The following MAPK10 variants were observed in gnomAD, a reference collection of about 807,000 sequenced individuals.
MAPK10 encodes mitogen-activated protein kinase 10.
Under a neutral mutation model 59.3 loss-of-function variants are expected in MAPK10, and 25 were observed. That is an observed-to-expected ratio of 0.42 (90% CI 0.31 to 0.59). The LOEUF is 0.59. Among genes scored for constraint, MAPK10 ranks in the 20% least tolerant of loss-of-function variants. MAPK10 has a pLI of 0.15. For synonymous variants in MAPK10, 190 were observed against 200.5 expected (o/e 0.95, Z 0.44); for missense variants, 351 against 568.9 (o/e 0.62, Z 3.90).
At chr4:86,090,742 T>C (rs1310881652) in intron 9 of MAPK10, 2 of 152,184 alleles carry the variant, frequency 1.3e-5, no homozygotes, top group Non-Finnish European at 2.9e-5. Flanking sequence ...TTATGGATTA[T>C]CTATATTTTA....
At chr4:86,049,608 C>A (rs78632613) in intron 11 of MAPK10, among the ~76,000 whole-genome samples, 5 of 151,944 alleles carry the variant, frequency 3.3e-5, no homozygotes, top group Non-Finnish European at 5.9e-5. Context: ...TTTAAGAAAA[C>A]CTTCTTTAAT....
At chr4:86,324,088 A>G (rs1233231998) in intron 2 of MAPK10, among the ~76,000 whole-genome samples, 1 of 152,180 alleles carries the variant, frequency 6.6e-6, no homozygotes, top group Non-Finnish European at 1.5e-5. Flanking sequence ...TCAGAGTTTA[A>G]GAGAAGGGCA....
intron 1 of MAPK10, among the ~76,000 whole-genome samples, chr4:86,568,614 A>G (rs1761227300): frequency 6.6e-6 from 1 of 152,168 alleles, no homozygotes; most frequent in Non-Finnish European, 1.5e-5. Flanking sequence ...TCAATGAGAC[A>G]GAATAGAGAA....
chr4:86,325,799 T>A (rs544445130), intron 2 of MAPK10: 2 of 152,306 alleles, frequency 1.3e-5, no homozygotes, highest in East Asian at 3.9e-4. Flanking sequence ...TAGTATCAAA[T>A]AGGATAAATT....
intron 1 of MAPK10, among the ~76,000 whole-genome samples, chr4:86,515,399 A>G (rs1756575168): frequency 6.6e-6 from 1 of 152,204 alleles, no homozygotes; most frequent in African/African-American, 2.4e-5. Flanking sequence ...TAGTTCCTTA[A>G]GTAATCTCCA....
At chr4:86,051,500 G>A (rs929429559) in intron 11 of MAPK10, among the ~76,000 whole-genome samples, 7 of 152,100 alleles carry the variant, frequency 4.6e-5, no homozygotes, top group African/African-American at 1.7e-4. Flanking sequence ...CAGACTTGTG[G>A]TCTATGTAGA....
intron 1 of MAPK10, among the ~76,000 whole-genome samples, chr4:86,403,410 G>A (rs1424333450): frequency 6.6e-6 from 1 of 152,128 alleles, no homozygotes; most frequent in Non-Finnish European, 1.5e-5. Context: ...CAGCTACTCA[G>A]GAGGCTGAGG....
intron 2 of MAPK10, among the ~76,000 whole-genome samples, chr4:86,337,415 C>T (rs550911358): frequency 6.6e-6 from 1 of 152,246 alleles, no homozygotes; most frequent in South Asian, 2.1e-4. Flanking sequence ...TACTCTATAT[C>T]CACATTTATG....
chr4:86,476,018 T>C (rs1753063052), intron 1 of MAPK10, among the ~76,000 whole-genome samples: 1 of 152,174 alleles, frequency 6.6e-6, no homozygotes, highest in Admixed American at 6.5e-5. Flanking sequence ...CTACAAGATC[T>C]AGATAATTCT....
At chr4:86,290,715 A>C (rs1413929258) in intron 2 of MAPK10, among the ~76,000 whole-genome samples, 1 of 152,154 alleles carries the variant, frequency 6.6e-6, no homozygotes, top group East Asian at 1.9e-4. Flanking sequence ...CTGGTTGAAA[A>C]CATGAATTGA....
intron 12 of MAPK10, among the ~76,000 whole-genome samples, chr4:86,030,521 C>T (rs1321815032): frequency 6.6e-6 from 1 of 151,898 alleles, no homozygotes; most frequent in Non-Finnish European, 1.5e-5. Flanking sequence ...CTAGCAGAGA[C>T]AGGGTCTCCC....
intron 1 of MAPK10, among the ~76,000 whole-genome samples, chr4:86,549,503 A>G (rs764925920): frequency 2.6e-5 from 4 of 152,190 alleles, no homozygotes; most frequent in Non-Finnish European, 2.9e-5. Flanking sequence ...GAAAGGGTAT[A>G]CCTATATTGG....
intron 2 of MAPK10, among the ~76,000 whole-genome samples, chr4:86,244,992 G>A (rs1038296592): frequency 2.6e-5 from 4 of 151,392 alleles, no homozygotes; most frequent in African/African-American, 9.8e-5. Flanking sequence ...TCCAATATGT[G>A]GTCTAGATAT....
intron 1 of MAPK10, among the ~76,000 whole-genome samples, chr4:86,494,955 G>A (rs1456271612): frequency 6.9e-6 from 1 of 144,452 alleles, no homozygotes; most frequent in Non-Finnish European, 1.5e-5. Flanking sequence ...TCAATCTTAA[G>A]GAGTTGGATA....
intron 4 of MAPK10, among the ~76,000 whole-genome samples, chr4:86,148,840 C>T (rs2149202339): frequency 6.6e-6 from 1 of 152,200 alleles, no homozygotes; most frequent in Admixed American, 6.5e-5. Flanking sequence ...AAGTAAAGTA[C>T]AGCCAAAAGA....
chr4:86,557,552 G>T (rs1760362242), intron 1 of MAPK10, among the ~76,000 whole-genome samples: 1 of 151,964 alleles, frequency 6.6e-6, no homozygotes, highest in Non-Finnish European at 1.5e-5. Flanking sequence ...AATCTTACTG[G>T]CTCTAGTTGT....
chr4:86,043,719 C>T (rs1366258632), intron 11 of MAPK10, among the ~76,000 whole-genome samples: 1 of 152,114 alleles, frequency 6.6e-6, no homozygotes, highest in Admixed American at 6.6e-5. Context: ...TAAAAGAGTA[C>T]AGTGTCCTGG....
intron 2 of MAPK10, chr4:86,335,230 T>G (rs17450224): frequency 0.45 from 69,144 of 152,038 alleles, 16,085 homozygotes; most frequent in Non-Finnish European, 0.51. Flanking sequence ...GGTCAAGAAA[T>G]ATTAACAATT....
chr4:86,344,452 G>A (rs2148946627), intron 2 of MAPK10, among the ~76,000 whole-genome samples: 1 of 152,232 alleles, frequency 6.6e-6, no homozygotes, highest in Non-Finnish European at 1.5e-5. Flanking sequence ...TACTGTGTGG[G>A]ATTTATTCAC....
Sources: allele counts gnomAD v4.1 joint callset (sites outside exome capture counted in the v4.1 genomes callset), GRCh38; gene constraint gnomAD v4.1.1; transcripts MANE v1.5; gene names NCBI Gene and HGNC (gene_info 2026-07-23, HGNC 2026-07-21).